ITGB5: variants seen among roughly 807,000 people sequenced by gnomAD.
The protein encoded by ITGB5 is integrin beta-5.
A neutral mutation model predicts 84.8 loss-of-function variants in ITGB5; 38 were observed. That is an observed-to-expected ratio of 0.45 (90% CI 0.35 to 0.59). The LOEUF is 0.59. ITGB5 is among the 20% of genes least tolerant of loss of function. The pLI is 0.01. For synonymous variants in ITGB5, 393 were observed against 414.4 expected, an observed-to-expected ratio of 0.95 and a Z score of 0.63; for missense variants, 905 against 1,034.5, an observed-to-expected ratio of 0.87 and a Z score of 1.72.
intron 10 of ITGB5, among the ~76,000 whole-genome samples, chr3:124,786,758 C>T (rs1452204614): frequency 1.3e-5 from 2 of 152,198 alleles, no homozygotes; most frequent in African/African-American, 4.8e-5. Flanking sequence ...CAAAGATCAA[C>T]ATAGCTCCAT....
intron 9 of ITGB5, among the ~76,000 whole-genome samples, chr3:124,807,302 G>C (rs1466529271): frequency 6.6e-6 from 1 of 152,194 alleles, no homozygotes; most frequent in African/African-American, 2.4e-5. Context: ...TATAATCCCA[G>C]CTACTTGGGA....
intron 1 of ITGB5, among the ~76,000 whole-genome samples, chr3:124,898,869 A>G (rs186620582): frequency 6.0e-5 from 9 of 151,260 alleles, no homozygotes; most frequent in African/African-American, 2.2e-4. Flanking sequence ...TGAGGTCAGG[A>G]GTTCAAGACC....
intron 5 of ITGB5, among the ~76,000 whole-genome samples, chr3:124,824,171 G>A (rs1385430482): frequency 1.3e-5 from 2 of 152,152 alleles, no homozygotes; most frequent in East Asian, 1.9e-4. Context: ...TCGTATCTTA[G>A]GTCAAGACTT....
At chr3:124,883,659 T>G (rs1934679790) in intron 1 of ITGB5, among the ~76,000 whole-genome samples, 1 of 152,230 alleles carries the variant, frequency 6.6e-6, no homozygotes, top group Admixed American at 6.5e-5. Flanking sequence ...TTTCTTAGGA[T>G]GTGCAGAGCA....
At chr3:124,784,498 AAAC>A (rs1230713989) in intron 10 of ITGB5, among the ~76,000 whole-genome samples, 9 of 152,182 alleles carry the variant, frequency 5.9e-5, no homozygotes, top group South Asian at 2.1e-4. Flanking sequence ...ACCCTATCTC[AAAC>A]AACAACAACA....
At chr3:124,826,263 G>A (rs2064783240) in intron 5 of ITGB5, among the ~76,000 whole-genome samples, 1 of 152,146 alleles carries the variant, frequency 6.6e-6, no homozygotes. Flanking sequence ...AACTTCTTCA[G>A]TCTCCAGTTC....
In ITGB5 at chr3:124,807,941, C is replaced by CAAA. The variant is rs552552243; in HGVS notation, c.1263+1078_1263+1080dup. Among the ~76,000 whole-genome samples the CAAA allele has an allele frequency of 5.6e-4, 15 of 26,802 alleles. 3 individuals are homozygous for CAAA. The highest frequency in any genetic ancestry group is 2.5e-3 in the South Asian group (1 of 406). 17.6% of individuals were successfully genotyped at this position (26,802 alleles called of 152,430 possible). On this transcript the variant is annotated intron_variant, in intron 9 of 14. Coordinates refer to ENST00000296181, the MANE Select transcript of ITGB5 (RefSeq NM_002213.5). Reference sequence around the variant, plus strand: ...TGGGCGACAGAGCGAGACTTCATCTCAAAAAAAAAAAAAAAAAAAAAAAAA... The same window carrying CAAA: ...TGGGCGACAGAGCGAGACTTCATCTCAAAAAAAAAAAAAAAAAAAAAAAAAAAA...
intron 2 of ITGB5, among the ~76,000 whole-genome samples, chr3:124,870,170 A>G (rs1243340293): frequency 1.3e-5 from 2 of 152,238 alleles, no homozygotes; most frequent in East Asian, 3.8e-4. Context: ...AATTCCTGCC[A>G]GATTCTTGGC....
chr3:124,764,121 G>C lies in ITGB5; in HGVS notation c.2304+270C>G, dbSNP rs188100393. On this transcript the variant is annotated intron_variant, in intron 14 of 14. Transcript: ENST00000296181. ...TTTCCTGTTGGTCTGTGCTCTCTCT[G>C]AGACTGGTCAGACTCTTCCTGAGGC... is the stretch of plus-strand genomic sequence containing the variant. 3.6e-4 allele frequency among the ~76,000 whole-genome samples: 55 copies of C among 152,280 alleles called. 1 individual carries two copies. Among genetic ancestry groups the C allele is most frequent in the East Asian group, 3.5e-3 (18 of 5,174 alleles).
intron 1 of ITGB5, among the ~76,000 whole-genome samples, chr3:124,894,128 A>ATTTTTCTTTT (rs1935052395): frequency 1.6e-5 from 1 of 61,952 alleles, no homozygotes; most frequent in African/African-American, 6.0e-5. Context: ...AAGTTGTGAT[A>ATTTTTCTTTT]TTTTTCTTTT....
intron 5 of ITGB5, 90 bp from the exon 6 acceptor site, chr3:124,821,564 G>A (rs962974417): frequency 1.5e-5 from 21 of 1,401,392 alleles, no homozygotes; most frequent in Admixed American, 1.0e-4. Flanking sequence ...CAGGAGTCAC[G>A]GCCTGAATCA....
intron 4 of ITGB5, among the ~76,000 whole-genome samples, chr3:124,843,729 G>C (rs761795957): frequency 9.2e-5 from 14 of 152,148 alleles, no homozygotes; most frequent in Non-Finnish European, 1.8e-4. Context: ...TGTCTGAGTG[G>C]CCTGAAGATC....
Position 124,887,076 on chromosome 3 carries a change from G to C in ITGB5, c.-76C>G, listed in dbSNP as rs1036318372. 2.5e-5 allele frequency: 15 copies of C among 595,558 alleles called. No individual in the cohort carries two copies. The highest frequency in any genetic ancestry group is 2.9e-5 in the Non-Finnish European group (14 of 474,910). The allele number at this position is 595,558 out of a possible 1,614,324, so 36.9% of individuals were successfully genotyped here. A position where few individuals can be genotyped will look rare whatever the true frequency, so the allele number is the denominator to read the frequency against. ...CGGCGGCCGGGGCTGGGGCCGGAGC[G>C]CGGGGGCCGAGGGCCGGGGGCCGCA... On this transcript the variant is annotated 5_prime_UTR_variant, in exon 1 of 15. Coordinates refer to ENST00000296181, the MANE Select transcript of ITGB5 (RefSeq NM_002213.5).
chr3:124,830,537 A>T (rs1411502193), intron 5 of ITGB5, among the ~76,000 whole-genome samples: 2 of 152,212 alleles, frequency 1.3e-5, no homozygotes, highest in Non-Finnish European at 2.9e-5. Context: ...AAAACAGAGA[A>T]AACATGTAGC....
At chr3:124,885,665 G>T (rs1934770403) in intron 1 of ITGB5, among the ~76,000 whole-genome samples, 1 of 152,222 alleles carries the variant, frequency 6.6e-6, no homozygotes, top group Non-Finnish European at 1.5e-5. Context: ...GCTTTCCCTA[G>T]GGACCCATGA....
At chr3:124,836,450 A>G (rs1018201839) in intron 5 of ITGB5, among the ~76,000 whole-genome samples, 12 of 152,126 alleles carry the variant, frequency 7.9e-5, no homozygotes, top group African/African-American at 2.9e-4. Flanking sequence ...CCTTTCAAAA[A>G]AAAAAGAAAA....
chr3:124,884,028 G>A (rs1412186717), intron 1 of ITGB5, among the ~76,000 whole-genome samples: 2 of 152,122 alleles, frequency 1.3e-5, no homozygotes, highest in African/African-American at 4.8e-5. Flanking sequence ...TAGAGCAACA[G>A]AGAGAGGCAC....
rs1267609310 is a variant in ITGB5, at chr3:124,762,007, T to C, written c.*1616A>G. The C allele has an allele frequency of 6.6e-6, 1 of 152,196 alleles. No homozygotes were observed. Among genetic ancestry groups the C allele is most frequent in the Non-Finnish European group, 1.5e-5 (1 of 68,040 alleles). 9.4% of individuals were successfully genotyped at this position (152,196 alleles called of 1,614,324 possible). A position where few individuals can be genotyped will look rare whatever the true frequency, so the allele number is the denominator to read the frequency against. On this transcript the variant is annotated 3_prime_UTR_variant, in exon 15 of 15. Transcript: ENST00000296181. ...AGAAAAGTCTCAACACCACAATTTA[T>C]CTGTTTAATGTTTTCATTTACATTT...
chr3:124,879,113 T>G (rs2107647850), intron 1 of ITGB5, among the ~76,000 whole-genome samples: 1 of 152,298 alleles, frequency 6.6e-6, no homozygotes, highest in East Asian at 1.9e-4. Context: ...CCTTTCAAGA[T>G]GCAAGAAATG....
Sources: allele counts gnomAD v4.1 joint callset (sites outside exome capture counted in the v4.1 genomes callset), GRCh38; gene constraint gnomAD v4.1.1; transcripts MANE v1.5; gene names NCBI Gene and HGNC (gene_info 2026-07-23, HGNC 2026-07-21).